The following ASPM variants were observed in gnomAD, a reference collection of about 807,000 sequenced individuals.
ASPM encodes the protein abnormal spindle-like microcephaly-associated protein.
Under a neutral mutation model 366.4 loss-of-function variants are expected in ASPM, and 256 were observed. That is an observed-to-expected ratio of 0.70 (90% CI 0.63 to 0.77). The LOEUF is 0.77. Ranked by LOEUF, ASPM falls within the 30% of genes least tolerant of loss-of-function variation. ASPM has a pLI of 0.00. For synonymous variants in ASPM, 1,414 were observed against 1,342.9 expected (o/e 1.05, Z -1.16); for missense variants, 4,146 against 4,090.4 (o/e 1.01, Z -0.37).
At position 197,104,769 on chromosome 1, in the gene ASPM, AATG is replaced by A. The variant is rs761574326; in HGVS notation, c.4479_4481del (p.Ile1494del). 4 of 1,598,072 alleles carry A rather than the reference AATG, an allele frequency of 2.5e-6. No homozygotes were observed. Among genetic ancestry groups the A allele is most frequent in the Non-Finnish European group, 3.4e-6 (4 of 1,173,858 alleles). On this transcript the variant is annotated inframe_deletion, in exon 18 of 28. Coordinates refer to ENST00000367409, the MANE Select transcript of ASPM (RefSeq NM_018136.5). ...CTTGAAAGCACCGAAATCTTTTCTG[AATG>A]ATAACAACACAAGATCTAATATAAA...
chr1:197,094,478 T>G (rs1353734915), intron 19 of ASPM, among the ~76,000 whole-genome samples: 1 of 151,700 alleles, frequency 6.6e-6, no homozygotes, highest in Non-Finnish European at 1.5e-5. Flanking sequence ...GTTACCCAGA[T>G]CTAGACAAAA....
At chr1:197,086,182 A>C (rs1311476296) in intron 27 of ASPM, among the ~76,000 whole-genome samples, 1 of 151,988 alleles carries the variant, frequency 6.6e-6, no homozygotes, top group Non-Finnish European at 1.5e-5. Flanking sequence ...GTGTGTTGTC[A>C]ATAATGTAGG....
At chr1:197,136,829 T>A (rs1459788632) in intron 4 of ASPM, among the ~76,000 whole-genome samples, 1 of 152,172 alleles carries the variant, frequency 6.6e-6, no homozygotes, top group Non-Finnish European at 1.5e-5. Context: ...AATATTTACT[T>A]ATAAAATTAA....
intron 4 of ASPM, chr1:197,139,183 C>A: frequency 2.1e-6 from 2 of 962,842 alleles, no homozygotes; most frequent in South Asian, 1.3e-5. Flanking sequence ...TGGAGCTTAA[C>A]GAAGTCACAG....
Position 197,103,987 on chromosome 1 carries a change from A to G in ASPM, c.5264T>C (p.Val1755Ala), listed in dbSNP as rs776605087. The change falls in exon 18 of 28, where the codon GTT (valine) becomes GCT (alanine). Residue 1755 changes from valine (V) to alanine (A), a missense_variant. Val to Ala is a moderately conservative substitution (Grantham distance 64). Around this residue, in one of 3 missense-constraint regions of ASPM, gnomAD observed 3,624 missense variants for 3,591.7 expected, o/e 1.01. Coordinates refer to ENST00000367409, the MANE Select transcript of ASPM (RefSeq NM_018136.5). ...RKQMRLQRKA[V>A]ISLQSYFRMR... ...TCTGAAATAAGACTGTAGTGAAATA[A>G]CAGCTTTTCTTTGTAACCTCATCTG... is the stretch of plus-strand genomic sequence containing the variant. 2.5e-5 allele frequency: 41 copies of G among 1,612,358 alleles called. 1 individual carries two copies. The Admixed American group carries it at 6.7e-4, about 26-fold the overall frequency.
chr1:197,113,436 T>A (rs1657648916), intron 17 of ASPM, among the ~76,000 whole-genome samples: 1 of 152,190 alleles, frequency 6.6e-6, no homozygotes, highest in Non-Finnish European at 1.5e-5. Context: ...AGGATGGTCA[T>A]TTCAGTAAAA....
chr1:197,101,359 A>G lies in ASPM; in HGVS notation c.7892T>C (p.Ile2631Thr), dbSNP rs185955954. ...IQEQHQAAII[I>T]QKHCKAFKIR... Reference sequence around the variant, plus strand: ...TTTAAAGGCTTTACAATGCTTCTGAATAATAATGGCAGCCTGGTGCTGTTC... The same window carrying G: ...TTTAAAGGCTTTACAATGCTTCTGAGTAATAATGGCAGCCTGGTGCTGTTC... Residue 2631 changes from isoleucine to threonine, a missense_variant, in exon 18 of 28, where the codon ATT becomes ACT. Ile to Thr is a moderately conservative substitution (Grantham distance 89). Coordinates refer to ENST00000367409, the MANE Select transcript of ASPM (RefSeq NM_018136.5). 5 of 1,610,456 alleles carry G rather than the reference A, an allele frequency of 3.1e-6. No individual in the cohort carries two copies. In the Admixed American group the frequency reaches 6.7e-5, roughly 22 times the overall value.
At chr1:197,097,716 G>C (rs775409692) in intron 18 of ASPM, among the ~76,000 whole-genome samples, 3 of 151,580 alleles carry the variant, frequency 2.0e-5, no homozygotes, top group Non-Finnish European at 4.4e-5. Context: ...AGAACTGTTT[G>C]TTTCAATTGG....
At chr1:197,138,735 T>C (rs769086470) in intron 4 of ASPM, 16 of 699,406 alleles carry the variant, frequency 2.3e-5, no homozygotes, top group Non-Finnish European at 3.6e-5. Context: ...AAACAGAAAA[T>C]TAAGAGAAAC....
Position 197,143,654 on chromosome 1 carries a change from T to C in ASPM, c.598A>G (p.Met200Val), listed in dbSNP as rs749274530. The C allele has an allele frequency of 1.9e-6, 3 of 1,613,684 alleles. No individual in the cohort carries two copies. Among genetic ancestry groups the C allele is most frequent in the Non-Finnish European group, 1.7e-6 (2 of 1,179,918 alleles). Residue 200 changes from methionine to valine, a missense_variant, in exon 3 of 28, where the codon ATG becomes GTG. Met to Val is a conservative substitution (Grantham distance 21, BLOSUM62 1). Transcript: ENST00000367409. ...TCTGTTGGGGGACCGCCTTCATTCA[T>C]AGCCAAGTTTTCACAAGCTTGTAGT... ...SPLQACENLA[M>V]NEGGPPTENN...
chr1:197,143,677 A>G lies in ASPM; in HGVS notation c.575T>C (p.Leu192Pro), dbSNP rs141674360. 3 of 1,613,902 alleles carry G rather than the reference A, an allele frequency of 1.9e-6. No individual in the cohort carries two copies. The highest frequency in any genetic ancestry group is 1.7e-5 in the Admixed American group (1 of 60,022). Reference protein sequence around the residue: ...SQKVDRVRSPLQACENLAMNE... With the variant: ...SQKVDRVRSPPQACENLAMNE... ...CATAGCCAAGTTTTCACAAGCTTGT[A>G]GTGGGCTCCTAACTCTGTCAACTTT... The change falls in exon 3 of 28, where the codon CTA becomes CCA. Residue 192 changes from leucine to proline, a missense_variant. Physicochemically the swap from Leu to Pro is moderately conservative, Grantham distance 98. Coordinates refer to ENST00000367409, the MANE Select transcript of ASPM (RefSeq NM_018136.5).
chr1:197,097,821 G>A (rs1044518286), intron 18 of ASPM, among the ~76,000 whole-genome samples: 3 of 151,448 alleles, frequency 2.0e-5, no homozygotes, highest in Admixed American at 6.6e-5. Flanking sequence ...CCATTTTGGT[G>A]TTTTTGTTTT....
intron 8 of ASPM, among the ~76,000 whole-genome samples, chr1:197,129,593 C>A (rs1357255783): frequency 3.3e-5 from 5 of 152,064 alleles, no homozygotes; most frequent in Non-Finnish European, 5.9e-5. Context: ...TGGTCTTACT[C>A]AACAAATATT....
chr1:197,098,778 T>C (rs749171937), intron 18 of ASPM, among the ~76,000 whole-genome samples: 1 of 151,714 alleles, frequency 6.6e-6, no homozygotes, highest in Non-Finnish European at 1.5e-5. Context: ...TTATGTATTG[T>C]TCCTTGGTGA....
chr1:197,097,956 T>TTA (rs1478657601), intron 18 of ASPM, among the ~76,000 whole-genome samples: 1 of 149,960 alleles, frequency 6.7e-6, no homozygotes, highest in Admixed American at 6.7e-5. Context: ...AATGAGAAAA[T>TTA]TATATATATG....
At chr1:197,114,055 C>T (rs1302419054) in intron 17 of ASPM, among the ~76,000 whole-genome samples, 3 of 144,186 alleles carry the variant, frequency 2.1e-5, no homozygotes, top group African/African-American at 5.0e-5. Flanking sequence ...AGGCATATCT[C>T]GAAGATATTG....
At chr1:197,113,698 T>C (rs1355263563) in intron 17 of ASPM, among the ~76,000 whole-genome samples, 3 of 152,144 alleles carry the variant, frequency 2.0e-5, no homozygotes, top group Non-Finnish European at 2.9e-5. Context: ...CAGTAAGTTA[T>C]AGCCTGGGAG....
At chr1:197,115,107 G>A (rs1021934566) in intron 17 of ASPM, among the ~76,000 whole-genome samples, 7 of 151,940 alleles carry the variant, frequency 4.6e-5, no homozygotes, top group African/African-American at 1.7e-4. Flanking sequence ...CGAACTCCTA[G>A]CCTCAAGCCA....
chr1:197,102,938 T>C lies in ASPM; in HGVS notation c.6313A>G (p.Arg2105Gly), dbSNP rs1452587613. 6.2e-7 allele frequency: 1 copy of C among 1,612,482 alleles called. No homozygotes were observed. The highest frequency in any genetic ancestry group is 1.7e-5 in the Admixed American group (1 of 59,836). ...KTAIKIQSVY[R>G]GIRVRRHIQH... ...ATATGTCTTCTAACTCTAATACCTCTATAAACAGATTGGATTTTAATTGCT... is the reference window on the plus strand; with the variant it reads ...ATATGTCTTCTAACTCTAATACCTCCATAAACAGATTGGATTTTAATTGCT... The change falls in exon 18 of 28, where the codon AGA (arginine) becomes GGA (glycine). Residue 2105 changes from arginine (R) to glycine (G), a missense_variant. Physicochemically the swap from Arg to Gly is moderately radical, Grantham distance 125. This residue lies in a region of ASPM where 3,624 missense variants were observed against 3,591.7 expected (regional missense o/e 1.01). Transcript: ENST00000367409.
Sources: allele counts gnomAD v4.1 joint callset (sites outside exome capture counted in the v4.1 genomes callset), GRCh38; gene constraint gnomAD v4.1.1; regional missense constraint gnomAD v4.1.1; transcripts MANE v1.5; gene names NCBI Gene and HGNC (gene_info 2026-07-23, HGNC 2026-07-21).